ACTL6A: variants seen among roughly 807,000 people sequenced by gnomAD.
ACTL6A encodes actin-like protein 6A.
Under a neutral mutation model 59.2 loss-of-function variants are expected in ACTL6A, and 5 were observed. The observed-to-expected ratio is 0.08, with a 90% CI of 0.04 to 0.18. The LOEUF (loss-of-function observed/expected upper bound fraction) is 0.18. ACTL6A is among the 10% of genes least tolerant of loss of function. ACTL6A has a pLI of 1.00. For missense variants in ACTL6A, 285 were observed against 526.9 expected, an observed-to-expected ratio of 0.54 and a Z score of 4.49; for synonymous variants, 154 against 171.8, an observed-to-expected ratio of 0.90 and a Z score of 0.81.
At chr3:179,584,611 CAAAA>C (rs11353729) in intron 12 of ACTL6A, among the ~76,000 whole-genome samples, 1 of 138,716 alleles carries the variant, frequency 7.2e-6, no homozygotes, top group Non-Finnish European at 1.6e-5. Context: ...GACTCCATCT[CAAAA>C]AAAAAAAAAA....
rs185476411 is a variant in ACTL6A at position 179,573,992 on chromosome 3, T to C, written c.379-378T>C. ...CTAACTTACAGTATTCTTTTATGAA[T>C]ACCAACTATAAGTGGGAGAATTTGG... On this transcript the variant is annotated intron_variant, in intron 4 of 13. Transcript: ENST00000429709. 4.6e-5 allele frequency among the ~76,000 whole-genome samples: 7 copies of C among 152,314 alleles called. No individual in the cohort carries two copies. In the East Asian group the frequency reaches 1.4e-3, roughly 29 times the overall value.
At chr3:179,571,127 G>T (rs960634902) in intron 3 of ACTL6A, among the ~76,000 whole-genome samples, 2 of 152,140 alleles carry the variant, frequency 1.3e-5, no homozygotes, top group East Asian at 1.9e-4. Flanking sequence ...GTTTTAAAAG[G>T]CATGGTTGGC....
Position 179,588,212 on chromosome 3 carries a change from G to T in ACTL6A, c.*202G>T. On this transcript the variant is annotated 3_prime_UTR_variant, in exon 14 of 14. Coordinates refer to ENST00000429709, the MANE Select transcript of ACTL6A (RefSeq NM_004301.5). ...TGAAATGCACTTATTCTTATTACAA[G>T]CATTTTATAATTTTGTATAAATGTC... 1 of 433,344 alleles carries T rather than the reference G, an allele frequency of 2.3e-6. No homozygotes were observed. Among genetic ancestry groups the T allele is most frequent in the Non-Finnish European group, 4.0e-6 (1 of 249,208 alleles). 26.8% of individuals were successfully genotyped at this position (433,344 alleles called of 1,614,324 possible).
Position 179,580,953 on chromosome 3 carries a change from T to A in ACTL6A, c.890T>A (p.Phe297Tyr). 6.3e-7 allele frequency: 1 copy of A among 1,585,944 alleles called. No individual in the cohort carries two copies. The highest frequency in any genetic ancestry group is 8.5e-7 in the Non-Finnish European group (1 of 1,173,668). The change falls in exon 10 of 14, where the codon TTT becomes TAT. Residue 297 changes from phenylalanine (F) to tyrosine (Y), a missense_variant. By Grantham distance (22) the Phe-to-Tyr change is conservative (BLOSUM62 3). Transcript: ENST00000429709. ...TTCCCCAATGGCTACAATTGTGATT[T>A]TGGTGCAGAGCGGCTAAAGATTCCA... ...YEFPNGYNCD[F>Y]GAERLKIPEG...
intron 1 of ACTL6A, among the ~76,000 whole-genome samples, chr3:179,566,554 G>A (rs1717839918): frequency 6.6e-6 from 1 of 152,176 alleles, no homozygotes; most frequent in Non-Finnish European, 1.5e-5. Context: ...AGAGGATAGA[G>A]GTAGATCTAA....
intron 3 of ACTL6A, among the ~76,000 whole-genome samples, chr3:179,571,208 G>A (rs1219385305): frequency 1.3e-5 from 2 of 152,094 alleles, no homozygotes; most frequent in African/African-American, 2.4e-5. Flanking sequence ...GATTGCTTGA[G>A]TCTAGGAGTT....
chr3:179,573,507 GT>G (rs746582546), intron 4 of ACTL6A, 38 bp downstream of exon 4: 25,207 of 906,768 alleles, frequency 0.028, 23 homozygotes, highest in Non-Finnish European at 0.029. Context: ...TTCTCTAGTT[GT>G]TTTTTTTTTT....
Position 179,570,668 on chromosome 3 carries a change from G to A in ACTL6A, c.277+427G>A, listed in dbSNP as rs537408772. Among the ~76,000 whole-genome samples, 2 of 152,308 alleles carry A rather than the reference G, an allele frequency of 1.3e-5. No individual in the cohort carries two copies. The highest frequency in any genetic ancestry group is 4.2e-4 in the South Asian group (2 of 4,818). Reference sequence around the variant, plus strand: ...AAGCAAAGGGACCAGCATGTGTGAAGGGATGGAATTGTGAAAGAAACTTAT... The same window carrying A: ...AAGCAAAGGGACCAGCATGTGTGAAAGGATGGAATTGTGAAAGAAACTTAT... On this transcript the variant is annotated intron_variant, in intron 3 of 13. Transcript: ENST00000429709. This position sits in a 1 kb window ranked among gnomAD's most constrained non-coding sequence, Gnocchi z 4.3.
intron 5 of ACTL6A, among the ~76,000 whole-genome samples, chr3:179,575,736 G>A (rs903997423): frequency 1.3e-5 from 2 of 152,226 alleles, no homozygotes; most frequent in African/African-American, 2.4e-5. Flanking sequence ...CGCTCATTGA[G>A]TTGGAGGAGA....
At position 179,570,273 on chromosome 3, in the gene ACTL6A, G is replaced by A. The variant is rs762499277; in HGVS notation, c.277+32G>A. 2.6e-6 allele frequency: 4 copies of A among 1,563,876 alleles called. No homozygotes were observed. In the East Asian group the frequency reaches 6.8e-5, roughly 27 times the overall value. Reference sequence around the variant, plus strand: ...TGTTTTCCCCATGGAATTGATTATGGAGTGTACATGTTATATTTTAGATAC... The same window carrying A: ...TGTTTTCCCCATGGAATTGATTATGAAGTGTACATGTTATATTTTAGATAC... On this transcript the variant is annotated intron_variant, in intron 3 of 13. Transcript: ENST00000429709. This position sits in a 1 kb window ranked among gnomAD's most constrained non-coding sequence, Gnocchi z 4.3.
intron 3 of ACTL6A, among the ~76,000 whole-genome samples, chr3:179,572,741 G>A (rs547142548): frequency 3.3e-5 from 5 of 152,116 alleles, no homozygotes; most frequent in Admixed American, 6.5e-5. Context: ...GGAGGCGGAG[G>A]TTGCAGTGAG....
At chr3:179,575,388 CT>C (rs1325521514) in intron 5 of ACTL6A, 1 of 456,654 alleles carries the variant, frequency 2.2e-6, no homozygotes. Context: ...ACATCCTGAG[CT>C]TTTCTTTTTA....
At chr3:179,563,446 C>G (rs1342960407) in intron 1 of ACTL6A, among the ~76,000 whole-genome samples, 3 of 152,228 alleles carry the variant, frequency 2.0e-5, no homozygotes, top group Admixed American at 6.5e-5. Context: ...CGGGCCCCGG[C>G]TTGGGTGACC....
chr3:179,578,734 C>G (rs1718244455), intron 8 of ACTL6A, among the ~76,000 whole-genome samples: 1 of 152,318 alleles, frequency 6.6e-6, no homozygotes, highest in Admixed American at 6.5e-5. Context: ...TAAACGTTCG[C>G]TTTTCTCTGC....
At position 179,563,238 on chromosome 3, in the gene ACTL6A, C is replaced by CTCCCCGCCCCG; in HGVS notation, c.25+132_25+142dup. ...GGTCTCCCCCTCTCGGGACCCCGGC[C>CTCCCCGCCCCG]TCCCCGCCCCGTCCCCGCCCCACGC... On this transcript the variant is annotated intron_variant, in intron 1 of 13. Coordinates refer to ENST00000429709, the MANE Select transcript of ACTL6A (RefSeq NM_004301.5). 6.2e-6 allele frequency: 9 copies of CTCCCCGCCCCG among 1,444,778 alleles called. No individual in the cohort carries two copies. The South Asian group carries it at 8.1e-5, about 13-fold the overall frequency. The allele number at this position is 1,444,778 out of a possible 1,614,324, so 89.5% of individuals were successfully genotyped here. A position where few individuals can be genotyped will look rare whatever the true frequency, so the allele number is the denominator to read the frequency against.
chr3:179,583,505 G>T, intron 12 of ACTL6A, 57 bp downstream of exon 12: 2 of 1,380,382 alleles, frequency 1.4e-6, no homozygotes, highest in South Asian at 2.4e-5. Context: ...CTCACTGATG[G>T]TGTAATTTTG....
rs573897009 is a variant in ACTL6A at position 179,569,996 on chromosome 3, A to G, written c.103-71A>G. The G allele has an allele frequency of 1.9e-6, 3 of 1,575,326 alleles. No individual in the cohort carries two copies. In the South Asian group the frequency reaches 3.4e-5, roughly 18 times the overall value. On this transcript the variant is annotated intron_variant, in intron 2 of 13. Coordinates refer to ENST00000429709, the MANE Select transcript of ACTL6A (RefSeq NM_004301.5). ...GATTCAAAACAAAATATAATAAAATACATTAATTGGGGAAAAAATGCCTTC... is the reference window on the plus strand; with the variant it reads ...GATTCAAAACAAAATATAATAAAATGCATTAATTGGGGAAAAAATGCCTTC...
chr3:179,575,322 T>G, intron 5 of ACTL6A: 1 of 453,524 alleles, frequency 2.2e-6, no homozygotes, highest in South Asian at 1.6e-5. Context: ...TCCCCAGATT[T>G]TACTATTGAA....
At chr3:179,563,541 G>A (rs7620052) in intron 1 of ACTL6A, among the ~76,000 whole-genome samples, 5,637 of 152,260 alleles carry the variant, frequency 0.037, 234 homozygotes, top group East Asian at 0.12. Context: ...GGAAGGTCCC[G>A]GCGGTTTGCA....
Sources: allele counts gnomAD v4.1 joint callset (sites outside exome capture counted in the v4.1 genomes callset), GRCh38; gene constraint gnomAD v4.1.1; non-coding constraint Gnocchi (gnomAD v3.1); transcripts MANE v1.5; gene names NCBI Gene and HGNC (gene_info 2026-07-23, HGNC 2026-07-21).